The following SLC6A14 variants were observed in gnomAD, a reference collection of about 807,000 sequenced individuals.
SLC6A14 encodes sodium- and chloride-dependent neutral and basic amino acid transporter B(0+).
Under a neutral mutation model 51.4 loss-of-function variants are expected in SLC6A14, and 21 were observed. The ratio of observed to expected loss-of-function variants is 0.41; its 90% CI spans 0.29 to 0.59. SLC6A14 has a LOEUF of 0.59. SLC6A14 is among the 20% of genes least tolerant of loss of function. The pLI, the probability that SLC6A14 is intolerant of heterozygous loss-of-function variation, is 0.31. For synonymous variants in SLC6A14, 177 were observed against 160.7 expected (o/e 1.10, Z -0.77); for missense variants, 371 against 472.8 (o/e 0.78, Z 2.00).
intron 8 of SLC6A14, among the ~76,000 whole-genome samples, chrX:116,452,405 G>A (rs781906177): frequency 2.5e-4 from 28 of 111,008 alleles, no homozygotes; most frequent in Non-Finnish European, 4.2e-4. Flanking sequence ...TTAGTCCTCC[G>A]GGAGGTCGAA....
chrX:116,454,265 T>G, intron 9 of SLC6A14, 59 bp from the exon 10 acceptor site: 2 of 657,281 alleles, frequency 3.0e-6, no homozygotes, highest in South Asian at 4.9e-5. Flanking sequence ...TTGAATTCTG[T>G]GATTAACAGT....
intron 2 of SLC6A14, among the ~76,000 whole-genome samples, chrX:116,439,524 C>T (rs782661544): frequency 4.5e-5 from 5 of 111,239 alleles, no homozygotes; most frequent in African/African-American, 1.3e-4. Flanking sequence ...TGTCATACCA[C>T]CTTAAGGTCT....
intron 2 of SLC6A14, among the ~76,000 whole-genome samples, chrX:116,439,067 T>C (rs1164463946): frequency 9.0e-6 from 1 of 111,001 alleles, no homozygotes; most frequent in Non-Finnish European, 1.9e-5. Context: ...AGGTCCAGTG[T>C]GGTAAAGAGA....
At chrX:116,438,496 GGACT>G (rs1405273403) in intron 2 of SLC6A14, among the ~76,000 whole-genome samples, 2 of 112,037 alleles carry the variant, frequency 1.8e-5, no homozygotes, top group African/African-American at 6.5e-5. Flanking sequence ...ATTCCAAATT[GGACT>G]GACTATGTAG....
intron 11 of SLC6A14, 36 bp from the exon 12 acceptor site, chrX:116,455,321 T>C (rs1927910620): frequency 9.3e-7 from 1 of 1,079,685 alleles, no homozygotes; most frequent in East Asian, 3.0e-5. Flanking sequence ...GAAGAAAATA[T>C]TAGCAAGCAC....
At chrX:116,455,599 G>T (rs1927918672) in intron 12 of SLC6A14, 133 bp downstream of exon 12, 1 of 452,052 alleles carries the variant, frequency 2.2e-6, no homozygotes, top group Admixed American at 4.0e-5. Context: ...AGTATTTATG[G>T]CTGGTGCCTC....
chrX:116,451,315 T>G, intron 7 of SLC6A14, 127 bp from the exon 8 acceptor site: 1 of 477,722 alleles, frequency 2.1e-6, no homozygotes, highest in Non-Finnish European at 3.4e-6. Flanking sequence ...TTTCTTAAGC[T>G]GAGTAGTGGG....
chrX:116,447,668 G>A (rs1380035856), intron 7 of SLC6A14, among the ~76,000 whole-genome samples: 6 of 107,097 alleles, frequency 5.6e-5, no homozygotes, highest in Admixed American at 2.0e-4. Context: ...CACAATCTCT[G>A]CTCACTGCAA....
At chrX:116,440,042 A>AT (rs781978944) in intron 2 of SLC6A14, among the ~76,000 whole-genome samples, 34 of 111,743 alleles carry the variant, frequency 3.0e-4, no homozygotes, top group Admixed American at 2.5e-3. Context: ...CTGAAAACCC[A>AT]TTTTTATCCA....
At chrX:116,450,239 A>G (rs1202026722) in intron 7 of SLC6A14, among the ~76,000 whole-genome samples, 1 of 111,820 alleles carries the variant, frequency 8.9e-6, no homozygotes, top group Non-Finnish European at 1.9e-5. Flanking sequence ...GGAGGAAAAA[A>G]AATCAACATA....
chrX:116,455,467 G>T lies in SLC6A14; in HGVS notation c.1614+1G>T. On this transcript the variant is annotated splice_donor_variant, in intron 12 of 13. Transcript: ENST00000598581. LOFTEE classifies it high-confidence loss of function. ...TGTAATTACGCCTATCCTTTTGATT[G>T]TAAGTAATAATACACCATGAACTTG... The T allele has an allele frequency of 9.0e-7, 1 of 1,109,705 alleles. No individual in the cohort carries two copies. Among genetic ancestry groups the T allele is most frequent in the Non-Finnish European group, 1.2e-6 (1 of 803,383 alleles). 91.5% of individuals were successfully genotyped at this position (1,109,705 alleles called of 1,213,427 possible).
chrX:116,457,985 T>C (rs1406708829), intron 13 of SLC6A14, among the ~76,000 whole-genome samples: 1 of 111,845 alleles, frequency 8.9e-6, no homozygotes, highest in Non-Finnish European at 1.9e-5. Context: ...TTCTCTATGC[T>C]AGACTATAAG....
rs1556693400 is a variant in SLC6A14, at chrX:116,437,916, G to T, written c.175G>T (p.Val59Leu). Residue 59 changes from valine to leucine, a missense_variant, in exon 2 of 14, where the codon GTG (valine) becomes TTG (leucine). Val to Leu is a conservative substitution (Grantham distance 32, BLOSUM62 1). This residue lies in a region of SLC6A14 where 277 missense variants were observed against 391.8 expected (regional missense o/e 0.71). Transcript: ENST00000598581. Reference sequence around the variant, plus strand: ...TGGATACGCAGTGGGATTAGGAAATGTGTGGAGATTTCCATATCTGACCTA... The same window carrying T: ...TGGATACGCAGTGGGATTAGGAAATTTGTGGAGATTTCCATATCTGACCTA... ...MIGYAVGLGN[V>L]WRFPYLTYSN... The T allele has an allele frequency of 2.5e-6, 3 of 1,206,580 alleles. No individual in the cohort carries two copies. The African/African-American group carries it at 5.3e-5, about 21-fold the overall frequency.
chrX:116,459,076 T>C lies in SLC6A14; in HGVS notation c.*121T>C, dbSNP rs1927991633. 4 of 531,271 alleles carry C rather than the reference T, an allele frequency of 7.5e-6. No homozygotes were observed. The Admixed American group carries it at 1.8e-4, about 23-fold the overall frequency. The allele number at this position is 531,271 out of a possible 1,213,427, so 43.8% of individuals were successfully genotyped here. A position where few individuals can be genotyped will look rare whatever the true frequency, so the allele number is the denominator to read the frequency against. On this transcript the variant is annotated 3_prime_UTR_variant, in exon 14 of 14. Coordinates refer to ENST00000598581, the MANE Select transcript of SLC6A14 (RefSeq NM_007231.5). ...ACATACTATGTTCATGATAGTGTGA[T>C]TTTTTTCACATTTAAGCAGGAATGC...
intron 2 of SLC6A14, among the ~76,000 whole-genome samples, chrX:116,438,704 C>G (rs1344150127): frequency 8.9e-6 from 1 of 111,896 alleles, no homozygotes; most frequent in Admixed American, 9.5e-5. Flanking sequence ...CAACTTTTCA[C>G]TTACACCATA....
rs1210914287 is a variant in SLC6A14 at position 116,461,369 on chromosome X, C to T, written c.*2414C>T. The T allele has an allele frequency of 1.5e-5, 2 of 132,084 alleles. No homozygotes were observed. Among genetic ancestry groups the T allele is most frequent in the African/African-American group, 6.3e-5 (2 of 31,896 alleles). The allele number at this position is 132,084 out of a possible 1,213,427, so 10.9% of individuals were successfully genotyped here. On this transcript the variant is annotated 3_prime_UTR_variant, in exon 14 of 14. Coordinates refer to ENST00000598581, the MANE Select transcript of SLC6A14 (RefSeq NM_007231.5). ...ACATCAAATCCCACTTACTTTAATG[C>T]GAACTTGGAGATAATTTATGGTATT...
chrX:116,459,015 C>T lies in SLC6A14; in HGVS notation c.*60C>T, dbSNP rs782013126. The T allele has an allele frequency of 1.6e-5, 15 of 966,975 alleles. No individual in the cohort carries two copies. The highest frequency in any genetic ancestry group is 2.1e-5 in the Non-Finnish European group (15 of 706,267). The allele number at this position is 966,975 out of a possible 1,213,427, so 79.7% of individuals were successfully genotyped here. A position where few individuals can be genotyped will look rare whatever the true frequency, so the allele number is the denominator to read the frequency against. On this transcript the variant is annotated 3_prime_UTR_variant, in exon 14 of 14. Coordinates refer to ENST00000598581, the MANE Select transcript of SLC6A14 (RefSeq NM_007231.5). Reference sequence around the variant, plus strand: ...TGATTTTTTTTAGAATAGGGGGAACCTTATTTATTTGTGTGTTAACTGAAT... The same window carrying T: ...TGATTTTTTTTAGAATAGGGGGAACTTTATTTATTTGTGTGTTAACTGAAT...
At position 116,458,809 on chromosome X, in the gene SLC6A14, C is replaced by T. The variant is rs781971522; in HGVS notation, c.1783C>T (p.Arg595Cys). The change falls in exon 14 of 14, where the codon CGC becomes TGC. Residue 595 changes from arginine (R) to cysteine (C), a missense_variant and splice_region_variant. Physicochemically the swap from Arg to Cys is radical, Grantham distance 180. Coordinates refer to ENST00000598581, the MANE Select transcript of SLC6A14 (RefSeq NM_007231.5). ...ATGATTTTTTGTTCTTGCATTTCAG[C>T]GCCTTATAAGTTGCTGCAGACCAGC... ...IIQAKGNIFQ[R>C]LISCCRPASN... 1.5e-5 allele frequency: 18 copies of T among 1,166,375 alleles called. No homozygotes were observed. The highest frequency in any genetic ancestry group is 2.1e-5 in the Non-Finnish European group (18 of 876,986).
At position 116,442,749 on chromosome X, in the gene SLC6A14, G is replaced by T. The variant is rs370750794; in HGVS notation, c.409G>T (p.Ala137Ser). ...GACAATCTATTACAATGTCATAATTGCCTATAGTCTTTACTACATGTTTGC... is the reference window on the plus strand; with the variant it reads ...GACAATCTATTACAATGTCATAATTTCCTATAGTCTTTACTACATGTTTGC... ...FVTIYYNVII[A>S]YSLYYMFASF... Residue 137 changes from alanine (A) to serine (S), a missense_variant, in exon 4 of 14, where the codon GCC (alanine) becomes TCC (serine). Transcript: ENST00000598581. 1.8e-4 allele frequency: 212 copies of T among 1,178,741 alleles called. No homozygotes were observed. The highest frequency in any genetic ancestry group is 2.3e-4 in the Non-Finnish European group (201 of 878,250).
Sources: allele counts gnomAD v4.1 joint callset (sites outside exome capture counted in the v4.1 genomes callset), GRCh38; gene constraint gnomAD v4.1.1; regional missense constraint gnomAD v4.1.1; transcripts MANE v1.5; gene names NCBI Gene and HGNC (gene_info 2026-07-23, HGNC 2026-07-21).